The following PREX1 variants were observed in gnomAD, a reference collection of about 807,000 sequenced individuals.
PREX1 encodes the protein phosphatidylinositol 3,4,5-trisphosphate-dependent Rac exchanger 1 protein.
Under a neutral mutation model 198.3 loss-of-function variants are expected in PREX1, and 41 were observed. That is an observed-to-expected ratio of 0.21 (90% CI 0.16 to 0.27). The LOEUF is 0.27. Ranked by LOEUF, PREX1 falls within the 10% of genes least tolerant of loss-of-function variation. The pLI is 1.00. For missense variants in PREX1, 1,620 were observed against 2,200.7 expected (o/e 0.74, Z 5.28); for synonymous variants, 843 against 887.2 (o/e 0.95, Z 0.89).
intron 18 of PREX1, among the ~76,000 whole-genome samples, chr20:48,655,680 C>G (rs1021909437): frequency 2.0e-5 from 3 of 152,140 alleles, no homozygotes; most frequent in Non-Finnish European, 4.4e-5. Context: ...TCCTAAGACC[C>G]TTGGAGGTGA....
At chr20:48,721,269 C>G (rs945240726) in intron 5 of PREX1, among the ~76,000 whole-genome samples, 2 of 152,154 alleles carry the variant, frequency 1.3e-5, no homozygotes, top group Non-Finnish European at 2.9e-5. Context: ...TCAATCAGGA[C>G]ACCAAGCGTC....
At position 48,693,479 on chromosome 20, in the gene PREX1, G is replaced by A. The variant is rs925861885; in HGVS notation, c.918-689C>T. 7.9e-5 allele frequency among the ~76,000 whole-genome samples: 12 copies of A among 152,316 alleles called. 1 individual carries two copies. Among genetic ancestry groups the A allele is most frequent in the Admixed American group, 3.3e-4 (5 of 15,302 alleles). The stretch of plus-strand genomic sequence containing the variant: ...CCACCACGGGAGGACACAGCAAGAC[G>A]GCACCATCTATGAAGCAGAAAGCAG... On this transcript the variant is annotated intron_variant, in intron 7 of 39. Transcript: ENST00000371941.
intron 6 of PREX1, among the ~76,000 whole-genome samples, chr20:48,702,632 C>T (rs1407292296): frequency 8.5e-5 from 13 of 152,136 alleles, no homozygotes; most frequent in African/African-American, 2.4e-4. Context: ...TACACTGCAG[C>T]GGGTGGTGGG....
the PREX1 span, among the ~76,000 whole-genome samples, chr20:48,865,579 G>C: frequency 6.6e-6 from 1 of 152,208 alleles, no homozygotes; most frequent in Non-Finnish European, 1.5e-5. Context: ...GTCTATAGAG[G>C]TGTTGAACTG....
intron 1 of PREX1, among the ~76,000 whole-genome samples, chr20:48,801,155 A>G (rs1051026773): frequency 1.3e-5 from 2 of 152,228 alleles, no homozygotes; most frequent in African/African-American, 2.4e-5. Flanking sequence ...AGCTCGTGTG[A>G]AGAACCAGCT....
At chr20:48,632,718 G>C in intron 33 of PREX1, 79 bp from the exon 34 acceptor site, 1 of 1,521,332 alleles carries the variant, frequency 6.6e-7, no homozygotes, top group Non-Finnish European at 9.0e-7. Flanking sequence ...CTCCAGAACA[G>C]CTGGCACCTC....
At chr20:48,661,444 A>AATATATATATATATATAT (rs1159107194) in intron 15 of PREX1, among the ~76,000 whole-genome samples, 4 of 49,588 alleles carry the variant, frequency 8.1e-5, no homozygotes, top group African/African-American at 1.9e-4. Context: ...AAAAAAAAAA[A>AATATATATATATATATAT]ATATATATAT....
At chr20:48,779,562 T>C (rs922577407) in intron 1 of PREX1, among the ~76,000 whole-genome samples, 25 of 152,208 alleles carry the variant, frequency 1.6e-4, no homozygotes, top group African/African-American at 5.6e-4. Context: ...TAAATATTTA[T>C]AGCAGCTCTA....
intron 7 of PREX1, among the ~76,000 whole-genome samples, chr20:48,698,239 A>G (rs2089856737): frequency 6.6e-6 from 1 of 152,178 alleles, no homozygotes; most frequent in African/African-American, 2.4e-5. Context: ...GGAATCCAGT[A>G]TCAGAATCAG....
chr20:48,643,627 G>A (rs1475549425), intron 27 of PREX1, among the ~76,000 whole-genome samples: 2 of 152,124 alleles, frequency 1.3e-5, no homozygotes, highest in Non-Finnish European at 2.9e-5. Flanking sequence ...TTCTGGGGGA[G>A]ATGATAAGAC....
chr20:48,866,961 A>T, the PREX1 span, among the ~76,000 whole-genome samples: 1 of 152,178 alleles, frequency 6.6e-6, no homozygotes, highest in Non-Finnish European at 1.5e-5. Flanking sequence ...TTCCTCCATA[A>T]GAGGTTGTAG....
At chr20:48,749,264 G>A (rs2090123287) in intron 1 of PREX1, among the ~76,000 whole-genome samples, 1 of 152,186 alleles carries the variant, frequency 6.6e-6, no homozygotes, top group Admixed American at 6.5e-5. Context: ...TCATGGTGCT[G>A]TCATAGCCAC....
chr20:48,694,624 G>A (rs1236687144), intron 7 of PREX1, among the ~76,000 whole-genome samples: 1 of 152,244 alleles, frequency 6.6e-6, no homozygotes, highest in Non-Finnish European at 1.5e-5. Context: ...CAGGTGGGCT[G>A]TATGCTCACC....
At chr20:48,720,117 A>C (rs937404260) in intron 5 of PREX1, among the ~76,000 whole-genome samples, 2 of 152,092 alleles carry the variant, frequency 1.3e-5, no homozygotes, top group African/African-American at 4.8e-5. Flanking sequence ...ATTTTCCCCA[A>C]GGTACCTGCT....
the PREX1 span, among the ~76,000 whole-genome samples, chr20:48,841,238 T>C: frequency 6.6e-6 from 1 of 152,178 alleles, no homozygotes; most frequent in Non-Finnish European, 1.5e-5. Context: ...TCCCTTTTCA[T>C]ATGCTAGATT....
chr20:48,667,791 G>A (rs2089649482), intron 14 of PREX1, among the ~76,000 whole-genome samples: 1 of 152,244 alleles, frequency 6.6e-6, no homozygotes, highest in Admixed American at 6.5e-5. Flanking sequence ...CAGGTGGGAT[G>A]TCATCTTGGT....
At chr20:48,841,138 C>A in the PREX1 span, among the ~76,000 whole-genome samples, 1 of 152,122 alleles carries the variant, frequency 6.6e-6, no homozygotes, top group Non-Finnish European at 1.5e-5. Flanking sequence ...CCAGGCTGGT[C>A]CCAAACTCTT....
intron 1 of PREX1, among the ~76,000 whole-genome samples, chr20:48,771,497 C>T (rs546464137): frequency 6.9e-4 from 105 of 152,128 alleles, no homozygotes; most frequent in African/African-American, 2.1e-3. Context: ...TCTAGCCGGG[C>T]GTGGTGGCTC....
At chr20:48,724,055 G>A (rs1277624337) in intron 5 of PREX1, among the ~76,000 whole-genome samples, 1 of 152,156 alleles carries the variant, frequency 6.6e-6, no homozygotes, top group Non-Finnish European at 1.5e-5. Flanking sequence ...CAGAGCCACC[G>A]ACCTTAGACG....
Sources: gnomAD v4.1 joint callset for allele counts (sites outside exome capture counted in the v4.1 genomes callset) on GRCh38, gnomAD v4.1.1 for gene constraint, MANE v1.5 for transcripts, NCBI Gene and HGNC (gene_info 2026-07-23, HGNC 2026-07-21) for gene names.